Variants in IRAK4 observed in about 807,000 individuals in gnomAD.
IRAK4 encodes the protein interleukin-1 receptor-associated kinase 4.
IRAK4 carries 44 observed loss-of-function variants against 51.8 expected under a neutral mutation model. That is an observed-to-expected ratio of 0.85 (90% CI 0.67 to 1.09). The LOEUF is 1.09. Among genes scored for constraint, IRAK4 ranks in the 50% least tolerant of loss-of-function variants. The pLI is 0.00. For missense variants in IRAK4, 487 were observed against 538.0 expected (o/e 0.91, Z 0.94); for synonymous variants, 149 against 174.1 (o/e 0.86, Z 1.13).
rs1047274763 is a variant in IRAK4 at position 43,768,129 on chromosome 12, A to G, written c.18A>G (p.Thr6=). 4 of 1,613,510 alleles carry G rather than the reference A, an allele frequency of 2.5e-6. No individual in the cohort carries two copies. The African/African-American group carries it at 4.0e-5, about 16-fold the overall frequency. The change falls in exon 2 of 12, where the codon ACA becomes ACG. Residue 6 remains threonine (T), a synonymous_variant. Coordinates refer to ENST00000613694, the MANE Select transcript of IRAK4 (RefSeq NM_016123.4). MNKPI[T]PSTYVRCLNV... ...AATAGAAGATGAACAAACCCATAAC[A>G]CCATCAACATATGTGCGCTGCCTCA...
chr12:43,772,454 C>A, intron 4 of IRAK4, 92 bp downstream of exon 4: 1 of 1,100,274 alleles, frequency 9.1e-7, no homozygotes, highest in Non-Finnish European at 1.4e-6. Flanking sequence ...GTTTGTGCAG[C>A]AATCACAGGC....
At chr12:43,783,093 T>C (rs1941917778) in intron 9 of IRAK4, among the ~76,000 whole-genome samples, 1 of 152,106 alleles carries the variant, frequency 6.6e-6, no homozygotes, top group Non-Finnish European at 1.5e-5. Context: ...GCTGACTCTT[T>C]AGTAAGTTGC....
chr12:43,780,456 A>G (rs1323621933), intron 8 of IRAK4, among the ~76,000 whole-genome samples: 1 of 152,146 alleles, frequency 6.6e-6, no homozygotes, highest in East Asian at 1.9e-4. Flanking sequence ...GAATGTAGAA[A>G]GCAGCTCAAG....
intron 1 of IRAK4, chr12:43,763,213 T>C (rs1330134215): frequency 1.3e-5 from 2 of 152,234 alleles, no homozygotes; most frequent in Non-Finnish European, 2.9e-5. Flanking sequence ...CTTGTCAAAT[T>C]TTAGTGTAGT....
rs751119487 is a variant in IRAK4, at chr12:43,786,564, AT to A, written c.1347+13del. ...GAGACCAGACATTAAGAAGGTATGC[AT>A]TTTTTATACTTATTTAAAAAGTGAA... On this transcript the variant is annotated splice_region_variant and intron_variant, in intron 11 of 11. Transcript: ENST00000613694. 1.3e-4 allele frequency: 212 copies of A among 1,612,970 alleles called. No individual in the cohort carries two copies. Among genetic ancestry groups the A allele is most frequent in the Non-Finnish European group, 1.7e-4 (197 of 1,179,340 alleles).
intron 6 of IRAK4, among the ~76,000 whole-genome samples, chr12:43,775,873 A>AT (rs1941212405): frequency 8.4e-6 from 1 of 119,516 alleles, no homozygotes; most frequent in African/African-American, 3.6e-5. Context: ...TAATATCATT[A>AT]CTTTTTTTTT....
intron 1 of IRAK4, among the ~76,000 whole-genome samples, chr12:43,762,403 C>T (rs765332851): frequency 6.6e-5 from 10 of 152,136 alleles, no homozygotes; most frequent in Non-Finnish European, 1.3e-4. Context: ...TATAAGACTA[C>T]TAAGCAGTTC....
At chr12:43,767,879 T>C (rs767674538) in intron 1 of IRAK4, among the ~76,000 whole-genome samples, 2 of 152,194 alleles carry the variant, frequency 1.3e-5, no homozygotes, top group Non-Finnish European at 2.9e-5. Context: ...TTTATTGCTA[T>C]TAATGGGTGG....
intron 3 of IRAK4, 143 bp downstream of exon 3, chr12:43,771,508 C>T (rs1940760557): frequency 1.2e-6 from 1 of 852,768 alleles, no homozygotes; most frequent in East Asian, 2.7e-5. Flanking sequence ...CACTCCTCAA[C>T]TCTTTAAAAA....
Position 43,786,407 on chromosome 12 carries a change from TAAA to T in IRAK4, c.1198_1200del (p.Lys400del). ...TAACACTCATTTTAAAGCTAGATATTAAAGAAGAAATTGAAGATGAAGAAAAGA... is the reference window on the plus strand; with the variant it reads ...TAACACTCATTTTAAAGCTAGATATTGAAGAAATTGAAGATGAAGAAAAGA... On this transcript the variant is annotated inframe_deletion, in exon 11 of 12. Transcript: ENST00000613694. 1 of 1,581,384 alleles carries T rather than the reference TAAA, an allele frequency of 6.3e-7. No individual in the cohort carries two copies. The highest frequency in any genetic ancestry group is 1.2e-5 in the South Asian group (1 of 86,564).
intron 1 of IRAK4, among the ~76,000 whole-genome samples, chr12:43,764,444 T>C (rs1939905021): frequency 6.6e-6 from 1 of 152,132 alleles, no homozygotes; most frequent in African/African-American, 2.4e-5. Context: ...ACTGTAAACT[T>C]TATTTCTGAA....
chr12:43,760,601 C>T (rs1183859509), intron 1 of IRAK4, among the ~76,000 whole-genome samples: 1 of 152,184 alleles, frequency 6.6e-6, no homozygotes, highest in Non-Finnish European at 1.5e-5. Context: ...CCCAGTGGGC[C>T]CAGTTCCAAC....
At chr12:43,763,724 A>G (rs1278214889) in intron 1 of IRAK4, among the ~76,000 whole-genome samples, 2 of 134,844 alleles carry the variant, frequency 1.5e-5, no homozygotes, top group South Asian at 2.4e-4. Context: ...CTCCCCTCAT[A>G]CTCCTCTCTC....
At chr12:43,771,984 C>T (rs1310352133) in intron 3 of IRAK4, among the ~76,000 whole-genome samples, 196 bp from the exon 4 acceptor site, 1 of 152,196 alleles carries the variant, frequency 6.6e-6, no homozygotes, top group East Asian at 1.9e-4. Flanking sequence ...TGTTTGAAAA[C>T]ACTGCCTTAC....
chr12:43,769,126 G>A (rs1940477842), intron 2 of IRAK4, among the ~76,000 whole-genome samples: 3 of 152,010 alleles, frequency 2.0e-5, no homozygotes. Context: ...GTGGTGGCAG[G>A]AAGATAAAGC....
intron 9 of IRAK4, among the ~76,000 whole-genome samples, chr12:43,783,196 C>T (rs565566829): frequency 1.5e-4 from 23 of 152,218 alleles, no homozygotes; most frequent in African/African-American, 5.5e-4. Context: ...GTTCTTTCCA[C>T]TTTAATATCT....
At chr12:43,765,840 C>CAAA (rs35140478) in intron 1 of IRAK4, among the ~76,000 whole-genome samples, 2 of 116,036 alleles carry the variant, frequency 1.7e-5, no homozygotes, top group Admixed American at 8.8e-5. Flanking sequence ...TAACATGAGC[C>CAAA]AAAAAAAAAA....
At position 43,784,372 on chromosome 12, in the gene IRAK4, A is replaced by G. The variant is rs4251533; in HGVS notation, c.1188+648A>G. On this transcript the variant is annotated intron_variant, in intron 10 of 11. Coordinates refer to ENST00000613694, the MANE Select transcript of IRAK4 (RefSeq NM_016123.4). ...TCCTCCAATTTAATTCTGACACTACATTCCTGGACATAGCATCAGAGTCAG... is the reference window on the plus strand; with the variant it reads ...TCCTCCAATTTAATTCTGACACTACGTTCCTGGACATAGCATCAGAGTCAG... 0.23 allele frequency among the ~76,000 whole-genome samples: 35,192 copies of G among 151,962 alleles called. 6,495 individuals carry two copies. The highest frequency in any genetic ancestry group is 0.52 in the African/African-American group (21,344 of 41,368).
chr12:43,784,342 G>A (rs575015122), intron 10 of IRAK4, among the ~76,000 whole-genome samples: 1 of 152,270 alleles, frequency 6.6e-6, no homozygotes, highest in African/African-American at 2.4e-5. Flanking sequence ...GAAGTCAGCT[G>A]GATCTCCTCC....
Sources: gnomAD v4.1 joint callset for allele counts (sites outside exome capture counted in the v4.1 genomes callset) on GRCh38, gnomAD v4.1.1 for gene constraint, MANE v1.5 for transcripts, NCBI Gene and HGNC (gene_info 2026-07-23, HGNC 2026-07-21) for gene names.